KANK1: variants seen among roughly 807,000 people sequenced by gnomAD.
KANK1 encodes the protein KN motif and ankyrin repeat domains 1.
A neutral mutation model predicts 106.2 loss-of-function variants in KANK1; 109 were observed. That is an observed-to-expected ratio of 1.03 (90% CI 0.88 to 1.20). The LOEUF (loss-of-function observed/expected upper bound fraction) is 1.20, where lower values mean the gene tolerates loss of function less well. Ranked by LOEUF, KANK1 falls within the 50% of genes most tolerant of loss-of-function variation. The probability of loss-of-function intolerance (pLI) is 0.00; values close to 1 mark genes in which losing one functional copy is unlikely to be tolerated. For missense variants in KANK1, 2,399 were observed against 1,710.7 expected, an observed-to-expected ratio of 1.40 and a Z score of -7.10; for synonymous variants, 873 against 652.2, an observed-to-expected ratio of 1.34 and a Z score of -5.16.
At chr9:649,432 A>G (rs750369664) in intron 1 of KANK1, among the ~76,000 whole-genome samples, 4 of 152,216 alleles carry the variant, frequency 2.6e-5, no homozygotes, top group Admixed American at 2.6e-4. Context: ...AATTAGTGAA[A>G]TTGTACAGAT....
At chr9:734,877 T>C in intron 7 of KANK1, 42 bp downstream of exon 7, 1 of 1,427,016 alleles carries the variant, frequency 7.0e-7, no homozygotes, top group African/African-American at 1.4e-5. Context: ...GTGTACAAAG[T>C]GCATGAGTGG....
intron 1 of KANK1, among the ~76,000 whole-genome samples, chr9:598,615 G>GTTTTCTTTTTTTTTT (rs1826834379): frequency 1.4e-5 from 1 of 73,334 alleles, no homozygotes; most frequent in African/African-American, 4.8e-5. Context: ...TGTTTTGTTG[G>GTTTTCTTTTTTTTTT]TTTTCTTTTT....
intron 1 of KANK1, among the ~76,000 whole-genome samples, chr9:601,160 A>G (rs191025276): frequency 2.6e-5 from 4 of 152,004 alleles, no homozygotes; most frequent in Middle Eastern, 3.4e-3. Context: ...TTGCAAAGGT[A>G]GTACGGGGCT....
intron 1 of KANK1, among the ~76,000 whole-genome samples, chr9:548,372 T>A (rs1359522987): frequency 1.3e-5 from 2 of 152,168 alleles, no homozygotes; most frequent in Non-Finnish European, 2.9e-5. Flanking sequence ...AGTGAGATAG[T>A]TGGGGGGTTC....
intron 1 of KANK1, among the ~76,000 whole-genome samples, chr9:506,061 T>G (rs2058742818): frequency 6.6e-6 from 1 of 152,190 alleles, no homozygotes; most frequent in Admixed American, 6.5e-5. Context: ...AGGTCAAAAT[T>G]CAGTGGTTTT....
chr9:730,168 G>T lies in KANK1; in HGVS notation c.2816G>T (p.Ser939Ile), dbSNP rs200381695. Residue 939 changes from serine (S) to isoleucine (I), a missense_variant, in exon 4 of 12, where the codon AGC (serine) becomes ATC (isoleucine). Ser to Ile is a moderately radical substitution (Grantham distance 142). Transcript: ENST00000382297. ...VGTSEGKPISSLDAFPTQEGT... is the reference protein window; with the variant it reads ...VGTSEGKPISILDAFPTQEGT... ...ACCTCAGAAGGAAAGCCAATCAGCA[G>T]CCTGGATGCCTTCCCCACTCAGGAA... 1 of 1,614,212 alleles carries T rather than the reference G, an allele frequency of 6.2e-7. No individual in the cohort carries two copies. Among genetic ancestry groups the T allele is most frequent in the East Asian group, 2.2e-5 (1 of 44,884 alleles).
At chr9:662,749 C>A (rs1368038230) in intron 1 of KANK1, among the ~76,000 whole-genome samples, 4 of 150,834 alleles carry the variant, frequency 2.7e-5, no homozygotes, top group Admixed American at 6.6e-5. Context: ...GCAATCTCCA[C>A]CTCCTGGGTT....
At chr9:595,293 C>CT (rs1825935468) in intron 1 of KANK1, among the ~76,000 whole-genome samples, 1 of 151,722 alleles carries the variant, frequency 6.6e-6, no homozygotes, top group Non-Finnish European at 1.5e-5. Flanking sequence ...GAAGGGTTAA[C>CT]TGAAAGTTAT....
At chr9:686,668 C>A in intron 2 of KANK1, 1 of 752,100 alleles carries the variant, frequency 1.3e-6, no homozygotes, top group Non-Finnish European at 1.6e-6. Flanking sequence ...TCCAAGTCTG[C>A]CCCAGGGACA....
chr9:697,805 G>A (rs1821686087), intron 2 of KANK1, among the ~76,000 whole-genome samples: 2 of 152,136 alleles, frequency 1.3e-5, no homozygotes, highest in African/African-American at 4.8e-5. Flanking sequence ...AAAAGAGTTT[G>A]AATCAAATAT....
intron 1 of KANK1, among the ~76,000 whole-genome samples, chr9:651,637 A>G (rs1456591117): frequency 6.6e-6 from 1 of 152,158 alleles, no homozygotes; most frequent in Middle Eastern, 3.2e-3. Context: ...CAGTCTTAGG[A>G]CAGAAGTCTG....
At chr9:686,780 C>A in intron 2 of KANK1, 1 of 985,360 alleles carries the variant, frequency 1.0e-6, no homozygotes, top group Non-Finnish European at 1.2e-6. Flanking sequence ...GCCCAAGCAT[C>A]ACACACGTGC....
At chr9:736,808 A>T (rs1407369435) in intron 7 of KANK1, among the ~76,000 whole-genome samples, 2 of 152,232 alleles carry the variant, frequency 1.3e-5, no homozygotes, top group African/African-American at 2.4e-5. Flanking sequence ...GTAAAACCAT[A>T]AAATCTCACT....
At chr9:653,291 G>A (rs1370956233) in intron 1 of KANK1, among the ~76,000 whole-genome samples, 3 of 152,048 alleles carry the variant, frequency 2.0e-5, no homozygotes, top group East Asian at 3.9e-4. Context: ...ATGAAAATGC[G>A]GTTCCCAGGC....
intron 2 of KANK1, among the ~76,000 whole-genome samples, chr9:697,037 G>C (rs895340412): frequency 6.6e-6 from 1 of 152,062 alleles, no homozygotes; most frequent in African/African-American, 2.4e-5. Context: ...CCCAGACTCA[G>C]ATTTCCCAGT....
At chr9:675,322 C>T (rs1164269196) in intron 1 of KANK1, among the ~76,000 whole-genome samples, 1 of 152,122 alleles carries the variant, frequency 6.6e-6, no homozygotes, top group Non-Finnish European at 1.5e-5. Flanking sequence ...ATGTGGGTTT[C>T]TGAATTGACA....
At chr9:549,018 TATGGTC>T (rs2061106295) in intron 1 of KANK1, 1 of 152,160 alleles carries the variant, frequency 6.6e-6, no homozygotes, top group African/African-American at 2.4e-5. Flanking sequence ...AAATTATAGA[TATGGTC>T]ATGTAAGGTT....
chr9:656,781 A>T (rs979051435), intron 1 of KANK1, among the ~76,000 whole-genome samples: 1 of 152,150 alleles, frequency 6.6e-6, no homozygotes. Flanking sequence ...AAAAGGGAAA[A>T]GCTTAAGTGA....
intron 1 of KANK1, among the ~76,000 whole-genome samples, chr9:505,938 G>C (rs999589041): frequency 6.6e-6 from 1 of 152,150 alleles, no homozygotes; most frequent in African/African-American, 2.4e-5. Context: ...TAACAGCTAA[G>C]TAGCTGTTCA....
Sources: allele counts gnomAD v4.1 joint callset (sites outside exome capture counted in the v4.1 genomes callset), GRCh38; gene constraint gnomAD v4.1.1; transcripts MANE v1.5; gene names NCBI Gene and HGNC (gene_info 2026-07-23, HGNC 2026-07-21).